Variants in PHRF1 observed in about 807,000 individuals in gnomAD.
PHRF1 encodes PHD and ring finger domains 1.
A neutral mutation model predicts 128.9 loss-of-function variants in PHRF1; 53 were observed. That is an observed-to-expected ratio of 0.41 (90% CI 0.33 to 0.52). The LOEUF is 0.52. PHRF1 is among the 20% of genes least tolerant of loss of function. The pLI, the probability that PHRF1 is intolerant of heterozygous loss-of-function variation, is 0.21. For synonymous variants in PHRF1, 1,178 were observed against 980.6 expected (o/e 1.20, Z -3.76); for missense variants, 2,503 against 2,284.5 (o/e 1.10, Z -1.95).
rs1373302026 is a variant in PHRF1 at position 606,425 on chromosome 11, TG to T, written c.1455-14del. On this transcript the variant is annotated splice_polypyrimidine_tract_variant and intron_variant, in intron 12 of 17. Coordinates refer to ENST00000264555, the MANE Select transcript of PHRF1 (RefSeq NM_001286581.2). ...GTGGGAGGCAGTGACGGCAGGGCCTTGGGTCTGTGCCCACAGGAGGCGCCTC... is the reference window on the plus strand; with the variant it reads ...GTGGGAGGCAGTGACGGCAGGGCCTTGGTCTGTGCCCACAGGAGGCGCCTC... 5.9e-6 allele frequency: 9 copies of T among 1,537,106 alleles called. No homozygotes were observed. In the African/African-American group the frequency reaches 1.1e-4, roughly 19 times the overall value.
intron 6 of PHRF1, among the ~76,000 whole-genome samples, chr11:595,264 A>G (rs1164423494): frequency 1.3e-5 from 2 of 152,366 alleles, no homozygotes; most frequent in East Asian, 3.8e-4. Context: ...CGGAGGTTGC[A>G]GTGAGCCGAG....
At position 597,468 on chromosome 11, in the gene PHRF1, G is replaced by T; in HGVS notation, c.792G>T (p.Arg264=). 13 of 1,612,732 alleles carry T rather than the reference G, an allele frequency of 8.1e-6. No homozygotes were observed. The highest frequency in any genetic ancestry group is 1.1e-5 in the Non-Finnish European group (13 of 1,179,624). ...ADVVPTTSRL[R]PRAGRTRAIA... is the part of the protein sequence containing the mutation. Reference sequence around the variant, plus strand: ...TGGTGCCCACCACCAGCAGGCTTCGGCCTCGAGCAGGTAGGACCCGGGCGA... The same window carrying T: ...TGGTGCCCACCACCAGCAGGCTTCGTCCTCGAGCAGGTAGGACCCGGGCGA... The change falls in exon 8 of 18, where the codon CGG becomes CGT. Residue 264 remains arginine, a synonymous_variant. Coordinates refer to ENST00000264555, the MANE Select transcript of PHRF1 (RefSeq NM_001286581.2). The surrounding 1 kb of genome is among the most constrained non-coding windows in gnomAD (Gnocchi z 6.5).
chr11:589,923 AGGGT>A (rs1380113453), intron 4 of PHRF1, among the ~76,000 whole-genome samples: 6 of 145,156 alleles, frequency 4.1e-5, no homozygotes, highest in African/African-American at 1.4e-4. Context: ...TCAGCCTGAG[AGGGT>A]GTCTGCAAAC....
chr11:580,770 C>T lies in PHRF1; in HGVS notation c.-21-722C>T, dbSNP rs57620348. ...GTGGCGCGATCTCGGCTCACTGCAACCTCCGCCTCTCAGGTGCAAGCGATT... is the reference window on the plus strand; with the variant it reads ...GTGGCGCGATCTCGGCTCACTGCAATCTCCGCCTCTCAGGTGCAAGCGATT... On this transcript the variant is annotated intron_variant, in intron 1 of 17. Transcript: ENST00000264555. Among the ~76,000 whole-genome samples, 1,435 of 152,302 alleles carry T rather than the reference C, an allele frequency of 9.4e-3. 18 individuals carry two copies. Among genetic ancestry groups the T allele is most frequent in the African/African-American group, 0.033 (1,359 of 41,544 alleles).
At chr11:594,879 G>A (rs1855190875) in intron 6 of PHRF1, among the ~76,000 whole-genome samples, 1 of 140,736 alleles carries the variant, frequency 7.1e-6, no homozygotes, top group Admixed American at 7.7e-5. Flanking sequence ...TACACTACTT[G>A]AATTACTTGG....
chr11:579,377 C>T (rs1410361133), intron 1 of PHRF1, among the ~76,000 whole-genome samples: 1 of 152,128 alleles, frequency 6.6e-6, no homozygotes, highest in Non-Finnish European at 1.5e-5. Context: ...ACTGCATTCG[C>T]CTTGTGCTGC....
At position 609,173 on chromosome 11, in the gene PHRF1, C is replaced by A. The variant is rs940519065; in HGVS notation, c.3717C>A (p.Pro1239=). Residue 1239 remains proline (P), a synonymous_variant, in exon 14 of 18, where the codon CCC becomes CCA. Transcript: ENST00000264555. The stretch of plus-strand genomic sequence containing the variant: ...AGGTGGCTACGGCCGACAAGGCCCC[C>A]CTGCAGGCTCCCCCTGTCCTGGAGG... ...SPEVATADKA[P]LQAPPVLEVA... 6.2e-7 allele frequency: 1 copy of A among 1,606,608 alleles called. No homozygotes were observed. The highest frequency in any genetic ancestry group is 1.3e-5 in the African/African-American group (1 of 75,056).
At chr11:611,594 G>T in intron 17 of PHRF1, 40 bp from the exon 18 acceptor site, 1 of 1,612,076 alleles carries the variant, frequency 6.2e-7, no homozygotes, top group Non-Finnish European at 8.5e-7. Flanking sequence ...GGAACATCTG[G>T]ATGTGAAAGG....
At chr11:577,592 A>G (rs1853955823) in intron 1 of PHRF1, among the ~76,000 whole-genome samples, 1 of 152,264 alleles carries the variant, frequency 6.6e-6, no homozygotes, top group Non-Finnish European at 1.5e-5. Flanking sequence ...GGCTGTGTTT[A>G]TCTCAGGCCC....
At chr11:599,365 C>T (rs1332692115) in intron 9 of PHRF1, among the ~76,000 whole-genome samples, 1 of 150,616 alleles carries the variant, frequency 6.6e-6, no homozygotes, top group African/African-American at 2.5e-5. Context: ...TTTCTCCTGC[C>T]TCAGCCTCCC....
At chr11:592,429 C>T (rs1274883125) in intron 5 of PHRF1, 130 bp from the exon 6 acceptor site, 6 of 844,122 alleles carry the variant, frequency 7.1e-6, no homozygotes, top group African/African-American at 1.7e-5. Context: ...GAGGGAGACC[C>T]TCTGGGCCTG....
At chr11:589,529 A>G (rs1854795525) in intron 4 of PHRF1, among the ~76,000 whole-genome samples, 2 of 151,996 alleles carry the variant, frequency 1.3e-5, no homozygotes, top group African/African-American at 2.4e-5. Flanking sequence ...AATGGAAACC[A>G]GTCCCAGGGG....
chr11:596,783 AGGGATGT>A (rs1855305099), intron 6 of PHRF1, 133 bp from the exon 7 acceptor site: 1 of 651,288 alleles, frequency 1.5e-6, no homozygotes, highest in Non-Finnish European at 2.7e-6. Flanking sequence ...TGAATTTTGG[AGGGATGT>A]GGGTCAGCCC....
At position 591,435 on chromosome 11, in the gene PHRF1, C is replaced by T. The variant is rs367813947; in HGVS notation, c.472C>T (p.Arg158Ter). Residue 158 changes from arginine to a stop codon, truncating the protein, a stop_gained, in exon 5 of 18, where the codon CGA becomes TGA. Coordinates refer to ENST00000264555, the MANE Select transcript of PHRF1 (RefSeq NM_001286581.2). LOFTEE classifies it high-confidence loss of function. Reference sequence around the variant, plus strand: ...AACTCTATTTAAGTGCATTTGTATTCGAGCTCAATTTGGTGGTAAAATCTT... The same window carrying T: ...AACTCTATTTAAGTGCATTTGTATTTGAGCTCAATTTGGTGGTAAAATCTT... ...DRTLFKCICI[R>*]AQFGGKILRK... 2 of 1,609,250 alleles carry T rather than the reference C, an allele frequency of 1.2e-6. No individual in the cohort carries two copies. The highest frequency in any genetic ancestry group is 1.7e-6 in the Non-Finnish European group (2 of 1,178,094).
rs1856127769 is a variant in PHRF1 at position 608,706 on chromosome 11, C to T, written c.3250C>T (p.His1084Tyr). The change falls in exon 14 of 18, where the codon CAC (histidine) becomes TAC (tyrosine). Residue 1084 changes from histidine to tyrosine, a missense_variant. Physicochemically the swap from His to Tyr is moderately conservative, Grantham distance 83. Coordinates refer to ENST00000264555, the MANE Select transcript of PHRF1 (RefSeq NM_001286581.2). ...SREHRRGPWG[H>Y]SRRTSRSRSG... ...GGAGCACAGGCGGGGCCCCTGGGGCCACAGCCGGAGGACGTCCCGGTCGCG... is the reference window on the plus strand; with the variant it reads ...GGAGCACAGGCGGGGCCCCTGGGGCTACAGCCGGAGGACGTCCCGGTCGCG... The T allele has an allele frequency of 6.2e-7, 1 of 1,610,778 alleles. No individual in the cohort carries two copies. The highest frequency in any genetic ancestry group is 8.5e-7 in the Non-Finnish European group (1 of 1,179,318).
chr11:595,008 A>G (rs184073754), intron 6 of PHRF1, among the ~76,000 whole-genome samples: 6 of 152,314 alleles, frequency 3.9e-5, no homozygotes, highest in African/African-American at 1.4e-4. Context: ...CAGTCTGCCA[A>G]ATTTTCAGTT....
chr11:604,824 C>G lies in PHRF1; in HGVS notation c.1153-295C>G, dbSNP rs1014594498. On this transcript the variant is annotated intron_variant, in intron 10 of 17. Coordinates refer to ENST00000264555, the MANE Select transcript of PHRF1 (RefSeq NM_001286581.2). Reference sequence around the variant, plus strand: ...ATCAAGGGGTTTTACTGTCAGTCATCAGTTGAATTTTTTGTTTCCCTCTTT... The same window carrying G: ...ATCAAGGGGTTTTACTGTCAGTCATGAGTTGAATTTTTTGTTTCCCTCTTT... Among the ~76,000 whole-genome samples, 10 of 152,142 alleles carry G rather than the reference C, an allele frequency of 6.6e-5. No homozygotes were observed. In the East Asian group the frequency reaches 1.9e-3, roughly 29 times the overall value.
intron 1 of PHRF1, among the ~76,000 whole-genome samples, chr11:579,639 G>C (rs1299831379): frequency 1.3e-5 from 2 of 152,224 alleles, no homozygotes; most frequent in Admixed American, 1.3e-4. Flanking sequence ...CGGAGTTGCT[G>C]GGTCCACCAA....
Position 609,113 on chromosome 11 carries a change from G to A in PHRF1, c.3657G>A (p.Arg1219=). Residue 1219 remains arginine, a synonymous_variant, in exon 14 of 18, where the codon AGG becomes AGA. Coordinates refer to ENST00000264555, the MANE Select transcript of PHRF1 (RefSeq NM_001286581.2). ...CAGGGCGGGAAGACCTCCCCACCAG[G>A]TTGCCAGCCTTGGGGGAAGCACATG... ...GEPGREDLPT[R]LPALGEAHVS... 1 of 1,605,566 alleles carries A rather than the reference G, an allele frequency of 6.2e-7. No individual in the cohort carries two copies. The highest frequency in any genetic ancestry group is 8.5e-7 in the Non-Finnish European group (1 of 1,177,428).
Sources: gnomAD v4.1 joint callset for allele counts (sites outside exome capture counted in the v4.1 genomes callset) on GRCh38, gnomAD v4.1.1 for gene constraint, Gnocchi (gnomAD v3.1) non-coding constraint, MANE v1.5 for transcripts, NCBI Gene and HGNC (gene_info 2026-07-23, HGNC 2026-07-21) for gene names.